The following PKNOX2 variants were observed in gnomAD, a reference collection of about 807,000 sequenced individuals.
The protein encoded by PKNOX2 is homeobox protein PKNOX2.
In PKNOX2, 14 loss-of-function variants were observed where a neutral mutation model predicts 53.1. The ratio of observed to expected loss-of-function variants is 0.26; its 90% CI spans 0.17 to 0.41. The LOEUF (loss-of-function observed/expected upper bound fraction) is 0.41. PKNOX2 is among the 10% of genes least tolerant of loss of function. PKNOX2 has a pLI of 1.00. For synonymous variants in PKNOX2, 257 were observed against 242.8 expected (o/e 1.06, Z -0.54); for missense variants, 496 against 602.8 (o/e 0.82, Z 1.85).
intron 2 of PKNOX2, among the ~76,000 whole-genome samples, chr11:125,280,443 C>T (rs1418070056): frequency 2.0e-5 from 3 of 152,160 alleles, no homozygotes; most frequent in South Asian, 2.1e-4. Flanking sequence ...AGAGGCTGCA[C>T]CTTCCCTAAA....
At chr11:125,382,392 C>T (rs944629255) in intron 5 of PKNOX2, among the ~76,000 whole-genome samples, 3 of 152,252 alleles carry the variant, frequency 2.0e-5, no homozygotes, top group African/African-American at 4.8e-5. Flanking sequence ...AAGGAATGTG[C>T]GGTGACCGCA....
intron 4 of PKNOX2, among the ~76,000 whole-genome samples, chr11:125,355,233 C>T (rs1454753718): frequency 2.0e-5 from 3 of 148,034 alleles, no homozygotes; most frequent in African/African-American, 7.5e-5. Context: ...CGCCACTGCA[C>T]TCCAGCCTGA....
intron 2 of PKNOX2, among the ~76,000 whole-genome samples, chr11:125,260,135 C>T (rs1944730603): frequency 6.6e-6 from 1 of 152,096 alleles, no homozygotes; most frequent in Non-Finnish European, 1.5e-5. Flanking sequence ...GCCTCAGCCC[C>T]CCAAAGTGCT....
intron 1 of PKNOX2, among the ~76,000 whole-genome samples, chr11:125,209,582 G>A (rs138417438): frequency 6.6e-6 from 1 of 152,056 alleles, no homozygotes; most frequent in African/African-American, 2.4e-5. Flanking sequence ...AAACTCAGAA[G>A]GCACAGAACC....
In PKNOX2 at chr11:125,183,248, C is replaced by T. The variant is rs549960628; in HGVS notation, c.-201+18472C>T. 1.5e-4 allele frequency among the ~76,000 whole-genome samples: 7 copies of T among 45,378 alleles called. 2 individuals carry two copies. The highest frequency in any genetic ancestry group is 4.0e-4 in the Admixed American group (2 of 4,954). 29.8% of individuals were successfully genotyped at this position (45,378 alleles called of 152,430 possible). A position where few individuals can be genotyped will look rare whatever the true frequency, so the allele number is the denominator to read the frequency against. On this transcript the variant is annotated intron_variant, in intron 1 of 12. Transcript: ENST00000298282. ...TTTTTGAGACGGAGTCTCACTCTGT[C>T]GCCCAGGTCGGACTGCGGACTGCAG...
At chr11:125,398,449 T>G (rs1311531990) in intron 7 of PKNOX2, among the ~76,000 whole-genome samples, 2 of 152,188 alleles carry the variant, frequency 1.3e-5, no homozygotes, top group Non-Finnish European at 2.9e-5. Context: ...CATCTGCATT[T>G]CTGGGAAAGG....
intron 4 of PKNOX2, among the ~76,000 whole-genome samples, chr11:125,359,952 G>A (rs931018163): frequency 2.0e-5 from 3 of 152,128 alleles, no homozygotes; most frequent in African/African-American, 4.8e-5. Context: ...TCGAACTCCC[G>A]ACCTCAGGTG....
intron 2 of PKNOX2, among the ~76,000 whole-genome samples, chr11:125,319,306 T>C (rs1379715111): frequency 6.6e-6 from 1 of 152,184 alleles, no homozygotes; most frequent in Non-Finnish European, 1.5e-5. Flanking sequence ...AGATCACTCA[T>C]CACAGATCAC....
At chr11:125,244,700 C>T (rs917930425) in intron 2 of PKNOX2, among the ~76,000 whole-genome samples, 2 of 152,244 alleles carry the variant, frequency 1.3e-5, no homozygotes, top group African/African-American at 4.8e-5. Flanking sequence ...TTAGTGCAAA[C>T]ATCTGTGTCC....
chr11:125,278,581 G>A (rs898146343), intron 2 of PKNOX2, among the ~76,000 whole-genome samples: 3 of 152,262 alleles, frequency 2.0e-5, no homozygotes, highest in Admixed American at 6.5e-5. Context: ...CGGGATGGCC[G>A]GGTCTTGGCT....
chr11:125,280,025 A>G (rs1389187031), intron 2 of PKNOX2, among the ~76,000 whole-genome samples: 1 of 150,972 alleles, frequency 6.6e-6, no homozygotes, highest in Non-Finnish European at 1.5e-5. Context: ...AGGAACTGTT[A>G]TGAAGAAATA....
At chr11:125,198,338 A>AGGCGAAGGTGGGGGTAGAGGGCGTCT (rs1330045672) in intron 1 of PKNOX2, among the ~76,000 whole-genome samples, 1 of 152,210 alleles carries the variant, frequency 6.6e-6, no homozygotes, top group East Asian at 1.9e-4. Flanking sequence ...AAAGGCCAGA[A>AGGCGAAGGTGGGGGTAGAGGGCGTCT]GGCGAAGGTG....
chr11:125,342,983 G>C (rs961933116), intron 3 of PKNOX2, among the ~76,000 whole-genome samples: 8 of 152,140 alleles, frequency 5.3e-5, no homozygotes, highest in Non-Finnish European at 1.0e-4. Flanking sequence ...AGAGATGGAG[G>C]GGCTGGAGAG....
chr11:125,428,452 T>C (rs1034856949), intron 10 of PKNOX2, among the ~76,000 whole-genome samples: 5 of 152,176 alleles, frequency 3.3e-5, no homozygotes, highest in East Asian at 3.9e-4. Context: ...AATAAAATGA[T>C]GATTTTTTAA....
chr11:125,283,332 G>C (rs899339966), intron 2 of PKNOX2, among the ~76,000 whole-genome samples: 7 of 152,188 alleles, frequency 4.6e-5, no homozygotes, highest in Non-Finnish European at 8.8e-5. Context: ...AAGAATGGAG[G>C]TTGGGGTCAA....
At chr11:125,189,397 ATGTGTGTATATATATATG>A (rs1194015069) in intron 1 of PKNOX2, among the ~76,000 whole-genome samples, 25 of 57,292 alleles carry the variant, frequency 4.4e-4, no homozygotes, top group African/African-American at 1.2e-3. Flanking sequence ...GTATATATAT[ATGTGTGTATATATATATG>A]TGTGTGTGTG....
At chr11:125,289,108 T>G (rs1179404611) in intron 2 of PKNOX2, among the ~76,000 whole-genome samples, 2 of 152,198 alleles carry the variant, frequency 1.3e-5, no homozygotes, top group East Asian at 3.9e-4. Flanking sequence ...GGTGTAGAGA[T>G]CTCCAGAGGA....
At chr11:125,249,733 T>C (rs549270984) in intron 2 of PKNOX2, among the ~76,000 whole-genome samples, 2 of 152,274 alleles carry the variant, frequency 1.3e-5, no homozygotes, top group Non-Finnish European at 2.9e-5. Flanking sequence ...GTGCCTTCTG[T>C]GTACCAGGTT....
In PKNOX2 at chr11:125,208,518, C is replaced by T. The variant is rs115010626; in HGVS notation, c.-200-26527C>T. ...GAGCAGACAGGAGTGAGTTAGGAGA[C>T]TAATGTGATGGTCTGGGAGTGAGAA... is the stretch of plus-strand genomic sequence containing the variant. On this transcript the variant is annotated intron_variant, in intron 1 of 12. Transcript: ENST00000298282. Among the ~76,000 whole-genome samples, 746 of 152,094 alleles carry T rather than the reference C, an allele frequency of 4.9e-3. 4 individuals are homozygous for T. Among genetic ancestry groups the T allele is most frequent in the African/African-American group, 0.017 (706 of 41,504 alleles).
Sources: gnomAD v4.1 joint callset for allele counts (sites outside exome capture counted in the v4.1 genomes callset) on GRCh38, gnomAD v4.1.1 for gene constraint, MANE v1.5 for transcripts, NCBI Gene and HGNC (gene_info 2026-07-23, HGNC 2026-07-21) for gene names.